Variants in CACNA2D3 observed in about 807,000 individuals in gnomAD.
CACNA2D3 encodes the protein calcium voltage-gated channel auxiliary subunit alpha2delta 3.
In CACNA2D3, 60 loss-of-function variants were observed where a neutral mutation model predicts 160.6. The observed-to-expected ratio is 0.37, with a 90% CI of 0.30 to 0.46. CACNA2D3 has a LOEUF of 0.46. CACNA2D3 is among the 20% of genes least tolerant of loss of function. CACNA2D3 has a pLI of 1.00. For synonymous variants in CACNA2D3, 558 were observed against 492.9 expected (o/e 1.13, Z -1.75); for missense variants, 1,205 against 1,365.0 (o/e 0.88, Z 1.85).
chr3:54,235,032 G>A (rs1198960553), intron 2 of CACNA2D3, among the ~76,000 whole-genome samples: 1 of 151,984 alleles, frequency 6.6e-6, no homozygotes, highest in Non-Finnish European at 1.5e-5. Flanking sequence ...AAAAATTCCC[G>A]TCTTCCAGAT....
chr3:54,527,564 C>T (rs1238967392), intron 5 of CACNA2D3, among the ~76,000 whole-genome samples: 1 of 152,126 alleles, frequency 6.6e-6, no homozygotes, highest in East Asian at 1.9e-4. Flanking sequence ...AATCAGGGTC[C>T]CAGTCTTCTC....
chr3:54,682,361 T>C (rs1700368058), intron 11 of CACNA2D3, among the ~76,000 whole-genome samples: 1 of 152,196 alleles, frequency 6.6e-6, no homozygotes, highest in Admixed American at 6.5e-5. Flanking sequence ...GCGTGGTGGC[T>C]CACGCCTGTA....
At chr3:54,208,486 G>T (rs1006228872) in intron 2 of CACNA2D3, among the ~76,000 whole-genome samples, 5 of 152,190 alleles carry the variant, frequency 3.3e-5, no homozygotes, top group Non-Finnish European at 7.3e-5. Context: ...GGGCTGGAAG[G>T]CACTTATGGT....
chr3:54,818,063 C>G (rs1397735331), intron 14 of CACNA2D3, among the ~76,000 whole-genome samples: 4 of 152,194 alleles, frequency 2.6e-5, no homozygotes, highest in African/African-American at 7.2e-5. Context: ...CACAAATTCT[C>G]TGCCTAAAAA....
intron 2 of CACNA2D3, among the ~76,000 whole-genome samples, chr3:54,160,060 G>T (rs1353328365): frequency 6.6e-6 from 1 of 152,168 alleles, no homozygotes; most frequent in Non-Finnish European, 1.5e-5. Flanking sequence ...ATATGATGAT[G>T]ATTTTGTAAT....
intron 26 of CACNA2D3, among the ~76,000 whole-genome samples, chr3:54,897,910 T>A (rs1435951333): frequency 6.6e-6 from 1 of 152,224 alleles, no homozygotes; most frequent in Non-Finnish European, 1.5e-5. Flanking sequence ...GATGAGATTC[T>A]TTGCTGCTTG....
intron 2 of CACNA2D3, among the ~76,000 whole-genome samples, chr3:54,278,565 CAA>C (rs1702797068): frequency 6.6e-6 from 1 of 152,134 alleles, no homozygotes; most frequent in Admixed American, 6.5e-5. Context: ...TTCACAATAG[CAA>C]AGACTTGGAA....
intron 35 of CACNA2D3, among the ~76,000 whole-genome samples, chr3:55,038,644 G>A (rs1360411153): frequency 6.6e-6 from 1 of 151,854 alleles, no homozygotes; most frequent in East Asian, 1.9e-4. Context: ...GAGAAGTCCT[G>A]CAGCGAAGAA....
chr3:55,001,501 G>A (rs1265252263), intron 31 of CACNA2D3, among the ~76,000 whole-genome samples: 2 of 152,120 alleles, frequency 1.3e-5, no homozygotes, highest in Non-Finnish European at 2.9e-5. Context: ...CACCCTATAA[G>A]GTAGTCATTA....
chr3:54,491,474 G>A (rs1701107836), intron 4 of CACNA2D3, among the ~76,000 whole-genome samples: 1 of 152,206 alleles, frequency 6.6e-6, no homozygotes. Context: ...TGGAGAGACT[G>A]AAAGAATCCT....
At chr3:54,970,449 C>CCTTTCTT (rs1702245194) in intron 29 of CACNA2D3, among the ~76,000 whole-genome samples, 4 of 57,336 alleles carry the variant, frequency 7.0e-5, no homozygotes, top group Non-Finnish European at 1.1e-4. Context: ...CCTCCCCTCC[C>CCTTTCTT]CTCCTCTCCT....
At chr3:54,507,755 C>G (rs1278317040) in intron 5 of CACNA2D3, among the ~76,000 whole-genome samples, 1 of 152,182 alleles carries the variant, frequency 6.6e-6, no homozygotes, top group African/African-American at 2.4e-5. Flanking sequence ...GAGTCACACC[C>G]AGATCCAACC....
At chr3:54,909,683 A>G (rs372490174) in intron 27 of CACNA2D3, among the ~76,000 whole-genome samples, 94 of 125,952 alleles carry the variant, frequency 7.5e-4, no homozygotes, top group South Asian at 4.0e-3. Flanking sequence ...AGCTATCATT[A>G]GTGTTAATAT....
At chr3:54,854,502 G>T (rs544747643) in intron 17 of CACNA2D3, among the ~76,000 whole-genome samples, 1 of 152,260 alleles carries the variant, frequency 6.6e-6, no homozygotes, top group African/African-American at 2.4e-5. Context: ...GGGATTGATG[G>T]GGTCTGGAAT....
chr3:54,947,727 A>AG (rs1480923309), intron 27 of CACNA2D3, among the ~76,000 whole-genome samples: 1 of 152,156 alleles, frequency 6.6e-6, no homozygotes, highest in African/African-American at 2.4e-5. Flanking sequence ...TGGGAACAGA[A>AG]GTTACCCTAT....
intron 2 of CACNA2D3, among the ~76,000 whole-genome samples, chr3:54,204,650 G>T (rs1701238784): frequency 6.6e-6 from 1 of 151,992 alleles, no homozygotes; most frequent in African/African-American, 2.4e-5. Context: ...CAAAAAATTA[G>T]CTGGATGTGG....
At chr3:54,127,930 A>C (rs11362794) in intron 2 of CACNA2D3, among the ~76,000 whole-genome samples, 57,088 of 150,970 alleles carry the variant, frequency 0.38, 10,958 homozygotes, top group East Asian at 0.6. Context: ...TTTTCCTTTA[A>C]CTTGTTTTTT....
At chr3:54,853,026 G>T (rs1699092698) in intron 17 of CACNA2D3, among the ~76,000 whole-genome samples, 2 of 151,936 alleles carry the variant, frequency 1.3e-5, no homozygotes, top group South Asian at 4.2e-4. Flanking sequence ...CTCAGAAACC[G>T]CAAGCTCCTT....
chr3:54,919,044 A>T (rs1472326124), intron 27 of CACNA2D3: 2 of 650,552 alleles, frequency 3.1e-6, no homozygotes, highest in East Asian at 3.0e-5. Context: ...ACCATATTTT[A>T]TGATTTTAGG....
Sources: allele counts gnomAD v4.1 joint callset (sites outside exome capture counted in the v4.1 genomes callset), GRCh38; gene constraint gnomAD v4.1.1; transcripts MANE v1.5; gene names NCBI Gene and HGNC (gene_info 2026-07-23, HGNC 2026-07-21).